The following OTULINL variants were observed in gnomAD, a reference collection of about 807,000 sequenced individuals.
The protein encoded by OTULINL is inactive ubiquitin thioesterase OTULINL.
Under a neutral mutation model 43.9 loss-of-function variants are expected in OTULINL, and 42 were observed. That is an observed-to-expected ratio of 0.96 (90% CI 0.75 to 1.24). The LOEUF (loss-of-function observed/expected upper bound fraction) is 1.24. Ranked by LOEUF, OTULINL falls within the 50% of genes most tolerant of loss-of-function variation. The pLI is 0.00. For missense variants in OTULINL, 411 were observed against 426.4 expected (o/e 0.96, Z 0.32); for synonymous variants, 172 against 153.6 (o/e 1.12, Z -0.88).
intron 5 of OTULINL, among the ~76,000 whole-genome samples, chr5:14,604,631 A>G (rs1352701832): frequency 1.3e-5 from 2 of 152,248 alleles, no homozygotes; most frequent in Non-Finnish European, 2.9e-5. Context: ...TTTAGTTACT[A>G]CCTAGATGCA....
Position 14,610,961 on chromosome 5 carries a change from TCTTTA to T in OTULINL, c.*652_*656del, listed in dbSNP as rs1391872864. 1 of 152,210 alleles carries T rather than the reference TCTTTA, an allele frequency of 6.6e-6. No individual in the cohort carries two copies. 9.4% of individuals were successfully genotyped at this position (152,210 alleles called of 1,614,324 possible). Reference sequence around the variant, plus strand: ...AATAGTGTACAGTTTGTTTTATATCTCTTTACTTTTTTTGTTACTATTTTATCTGG... The same window carrying T: ...AATAGTGTACAGTTTGTTTTATATCTCTTTTTTTGTTACTATTTTATCTGG... On this transcript the variant is annotated 3_prime_UTR_variant, in exon 8 of 8. Transcript: ENST00000274217.
chr5:14,600,932 CTTTTTTTT>C, intron 1 of OTULINL, 25 bp from the exon 2 acceptor site: 1 of 1,198,018 alleles, frequency 8.3e-7, no homozygotes, highest in Non-Finnish European at 1.1e-6. Flanking sequence ...TTGTGATGTG[CTTTTTTTT>C]TTTTTTTTTT....
chr5:14,583,991 G>A (rs535208001), intron 1 of OTULINL, among the ~76,000 whole-genome samples: 7 of 152,138 alleles, frequency 4.6e-5, no homozygotes, highest in East Asian at 1.9e-4. Flanking sequence ...TAATATTATC[G>A]GAAAGACTGT....
chr5:14,581,886 G>C lies in OTULINL; in HGVS notation c.-9G>C. ...CCGAGGCCCAGCGCCCGTCCGCAGCGCGGCCGGCATGGCGGCGACAAGGAG... is the reference window on the plus strand; with the variant it reads ...CCGAGGCCCAGCGCCCGTCCGCAGCCCGGCCGGCATGGCGGCGACAAGGAG... On this transcript the variant is annotated 5_prime_UTR_variant, in exon 1 of 8. Coordinates refer to ENST00000274217, the MANE Select transcript of OTULINL (RefSeq NM_019018.3). 1 of 1,409,922 alleles carries C rather than the reference G, an allele frequency of 7.1e-7. No homozygotes were observed. Among genetic ancestry groups the C allele is most frequent in the Non-Finnish European group, 9.2e-7 (1 of 1,082,138 alleles). The allele number at this position is 1,409,922 out of a possible 1,614,324, so 87.3% of individuals were successfully genotyped here.
chr5:14,605,768 A>G (rs1023354260), intron 5 of OTULINL, among the ~76,000 whole-genome samples: 1 of 152,218 alleles, frequency 6.6e-6, no homozygotes, highest in Non-Finnish European at 1.5e-5. Flanking sequence ...GTTAAAACAT[A>G]ACAAGAGTCA....
At position 14,601,463 on chromosome 5, in the gene OTULINL, T is replaced by G. The variant is rs776745082; in HGVS notation, c.348+21T>G. 6.3e-6 allele frequency: 10 copies of G among 1,588,418 alleles called. No homozygotes were observed. The African/African-American group carries it at 1.4e-4, about 21-fold the overall frequency. ...GGAAGGTGTGTCTGTTTTTAGAGGGTATGGGAGAAATAGAGTTTGTCTGTC... is the reference window on the plus strand; with the variant it reads ...GGAAGGTGTGTCTGTTTTTAGAGGGGATGGGAGAAATAGAGTTTGTCTGTC... On this transcript the variant is annotated intron_variant, in intron 4 of 7. Transcript: ENST00000274217.
chr5:14,595,596 G>GA (rs75854029), intron 1 of OTULINL, among the ~76,000 whole-genome samples: 6,054 of 113,496 alleles, frequency 0.053, 181 homozygotes, highest in South Asian at 0.11. Flanking sequence ...GTAGAGAATG[G>GA]AAAAAAAAAA....
intron 1 of OTULINL, among the ~76,000 whole-genome samples, chr5:14,594,891 C>A (rs1759260384): frequency 6.6e-6 from 1 of 152,010 alleles, no homozygotes; most frequent in African/African-American, 2.4e-5. Flanking sequence ...ACAGAGTGTC[C>A]TTTCTCACCC....
chr5:14,601,844 C>T (rs1759394134), intron 4 of OTULINL, among the ~76,000 whole-genome samples: 1 of 152,128 alleles, frequency 6.6e-6, no homozygotes, highest in African/African-American at 2.4e-5. Flanking sequence ...GCAGTGCTGC[C>T]CAATCTTGCC....
intron 1 of OTULINL, among the ~76,000 whole-genome samples, chr5:14,591,027 A>C (rs1759192339): frequency 6.6e-6 from 1 of 152,188 alleles, no homozygotes; most frequent in Non-Finnish European, 1.5e-5. Flanking sequence ...GGGAAGGGAG[A>C]CCAATCAAAA....
rs368551244 is a variant in OTULINL at position 14,595,067 on chromosome 5, T to G, written c.65-5898T>G. On this transcript the variant is annotated intron_variant, in intron 1 of 7. Coordinates refer to ENST00000274217, the MANE Select transcript of OTULINL (RefSeq NM_019018.3). ...CTTTTAGCCAGGTGATTTCACTGTA[T>G]GTATATTTCTTCACTTTCTCTGCGA... Among the ~76,000 whole-genome samples, 13 of 152,312 alleles carry G rather than the reference T, an allele frequency of 8.5e-5. No homozygotes were observed. In the East Asian group the frequency reaches 1.2e-3, roughly 14 times the overall value.
At position 14,610,637 on chromosome 5, in the gene OTULINL, A is replaced by G. The variant is rs565064691; in HGVS notation, c.*323A>G. 2.3e-3 allele frequency: 443 copies of G among 194,018 alleles called. 2 individuals are homozygous for G. Among genetic ancestry groups the G allele is most frequent in the Admixed American group, 5.6e-3 (101 of 17,900 alleles). 12.0% of individuals were successfully genotyped at this position (194,018 alleles called of 1,614,324 possible). A position where few individuals can be genotyped will look rare whatever the true frequency, so the allele number is the denominator to read the frequency against. On this transcript the variant is annotated 3_prime_UTR_variant, in exon 8 of 8. Transcript: ENST00000274217. ...CAACAACAGGAAAAAGCAAGAAGAA[A>G]ACAAGTAGGGAAAAACAGCTAACCT...
In OTULINL at chr5:14,600,992, T is replaced by C; in HGVS notation, c.92T>C (p.Leu31Pro). 1 of 1,541,574 alleles carries C rather than the reference T, an allele frequency of 6.5e-7. No homozygotes were observed. Among genetic ancestry groups the C allele is most frequent in the Non-Finnish European group, 8.7e-7 (1 of 1,145,514 alleles). Residue 31 changes from leucine (L) to proline (P), a missense_variant, in exon 2 of 8, where the codon CTA becomes CCA. Leu to Pro is a moderately conservative substitution (Grantham distance 98). Coordinates refer to ENST00000274217, the MANE Select transcript of OTULINL (RefSeq NM_019018.3). The part of the protein sequence containing the change: ...AGSDQVHSWM[L>P]ATSQALDTVW... ...AGTGACCAAGTTCACTCCTGGATGC[T>C]AGCTACAAGCCAAGCCTTAGACACT...
intron 5 of OTULINL, among the ~76,000 whole-genome samples, chr5:14,607,058 G>A (rs188739691): frequency 4.6e-5 from 7 of 152,122 alleles, no homozygotes; most frequent in East Asian, 3.9e-4. Context: ...GTGCAACCCC[G>A]TCTCTACTAA....
chr5:14,599,575 A>G (rs1759348295), intron 1 of OTULINL, among the ~76,000 whole-genome samples: 1 of 152,190 alleles, frequency 6.6e-6, no homozygotes, highest in African/African-American at 2.4e-5. Context: ...TCAAATATCC[A>G]GATGATAAAA....
intron 1 of OTULINL, among the ~76,000 whole-genome samples, chr5:14,594,346 A>G (rs1198660589): frequency 1.3e-5 from 2 of 152,334 alleles, no homozygotes; most frequent in Admixed American, 6.5e-5. Context: ...CTAATGTACA[A>G]TATTTTGCTT....
Position 14,615,297 on chromosome 5 carries a change from A to G in OTULINL, c.*4983A>G, listed in dbSNP as rs1759654715. 6.6e-6 allele frequency among the ~76,000 whole-genome samples: 1 copy of G among 152,216 alleles called. No individual in the cohort carries two copies. Among genetic ancestry groups the G allele is most frequent in the South Asian group, 2.1e-4 (1 of 4,830 alleles). On this transcript the variant is annotated 3_prime_UTR_variant, in exon 8 of 8. Coordinates refer to ENST00000274217, the MANE Select transcript of OTULINL (RefSeq NM_019018.3). The stretch of plus-strand genomic sequence containing the variant: ...CCATCCCCAAAGACAGACTCTGGGA[A>G]ACAACTTGGGAACTGCTTCAAGTCC...
chr5:14,601,009 T>G lies in OTULINL; in HGVS notation c.109T>G (p.Leu37Val). The G allele has an allele frequency of 2.5e-6, 4 of 1,608,980 alleles. No homozygotes were observed. Among genetic ancestry groups the G allele is most frequent in the Non-Finnish European group, 3.4e-6 (4 of 1,177,876 alleles). ...CTGGATGCTAGCTACAAGCCAAGCCTTAGACACTGTCTGGAGAATGGCAAA... is the reference window on the plus strand; with the variant it reads ...CTGGATGCTAGCTACAAGCCAAGCCGTAGACACTGTCTGGAGAATGGCAAA... Reference protein sequence around the residue: ...HSWMLATSQALDTVWRMAKGF... With the variant: ...HSWMLATSQAVDTVWRMAKGF... The change falls in exon 2 of 8, where the codon TTA (leucine) becomes GTA (valine). Residue 37 changes from leucine to valine, a missense_variant. Coordinates refer to ENST00000274217, the MANE Select transcript of OTULINL (RefSeq NM_019018.3).
rs535064581 is a variant in OTULINL at position 14,612,908 on chromosome 5, A to G, written c.*2594A>G. Among the ~76,000 whole-genome samples the G allele has an allele frequency of 1.5e-5, 2 of 137,388 alleles. No individual in the cohort carries two copies. The highest frequency in any genetic ancestry group is 8.0e-5 in the Admixed American group (1 of 12,568). 90.1% of individuals were successfully genotyped at this position (137,388 alleles called of 152,430 possible). A position where few individuals can be genotyped will look rare whatever the true frequency, so the allele number is the denominator to read the frequency against. On this transcript the variant is annotated 3_prime_UTR_variant, in exon 8 of 8. Coordinates refer to ENST00000274217, the MANE Select transcript of OTULINL (RefSeq NM_019018.3). ...TTTACTGTGGTAAAATACACATAAC[A>G]TATAGTTTATATTTTAACAATTTTT...
Sources: gnomAD v4.1 joint callset for allele counts (sites outside exome capture counted in the v4.1 genomes callset) on GRCh38, gnomAD v4.1.1 for gene constraint, MANE v1.5 for transcripts, NCBI Gene and HGNC (gene_info 2026-07-23, HGNC 2026-07-21) for gene names.